KCNH7: variants seen among roughly 807,000 people sequenced by gnomAD.
The protein encoded by KCNH7 is voltage-gated inwardly rectifying potassium channel KCNH7.
A neutral mutation model predicts 120.8 loss-of-function variants in KCNH7; 49 were observed. The observed-to-expected ratio is 0.41, with a 90% CI of 0.32 to 0.51. The LOEUF is 0.51. Ranked by LOEUF, KCNH7 falls within the 20% of genes least tolerant of loss-of-function variation. The probability of loss-of-function intolerance (pLI) is 0.38; values close to 1 mark genes in which losing one functional copy is unlikely to be tolerated. For missense variants in KCNH7, 1,097 were observed against 1,446.6 expected, an observed-to-expected ratio of 0.76 and a Z score of 3.92; for synonymous variants, 547 against 516.1, an observed-to-expected ratio of 1.06 and a Z score of -0.81.
intron 2 of KCNH7, among the ~76,000 whole-genome samples, chr2:162,770,350 A>G (rs1325286382): frequency 6.6e-6 from 1 of 150,518 alleles, no homozygotes; most frequent in Non-Finnish European, 1.5e-5. Flanking sequence ...ATTCATATAT[A>G]TACATATTTT....
chr2:162,658,149 C>T (rs1684834990), intron 2 of KCNH7, among the ~76,000 whole-genome samples: 1 of 151,614 alleles, frequency 6.6e-6, no homozygotes, highest in South Asian at 2.1e-4. Context: ...TTACCAGACA[C>T]CAAATCTACT....
intron 2 of KCNH7, among the ~76,000 whole-genome samples, chr2:162,721,485 G>A (rs1343949600): frequency 1.3e-5 from 2 of 152,046 alleles, no homozygotes; most frequent in Non-Finnish European, 2.9e-5. Flanking sequence ...TCACATTGCA[G>A]TCTATTTTGT....
At chr2:162,823,151 C>T (rs1254050595) in intron 2 of KCNH7, among the ~76,000 whole-genome samples, 2 of 151,628 alleles carry the variant, frequency 1.3e-5, no homozygotes, top group Non-Finnish European at 2.9e-5. Context: ...ACTACTTTTG[C>T]AGTGTTGAGG....
chr2:162,521,871 G>A (rs931066430), intron 3 of KCNH7, among the ~76,000 whole-genome samples: 40 of 151,672 alleles, frequency 2.6e-4, no homozygotes, highest in African/African-American at 9.4e-4. Context: ...CTACATTTTG[G>A]TGCCTATTAC....
intron 2 of KCNH7, among the ~76,000 whole-genome samples, chr2:162,728,823 A>C (rs1687619476): frequency 6.6e-6 from 1 of 152,158 alleles, no homozygotes; most frequent in Non-Finnish European, 1.5e-5. Flanking sequence ...AAGTTATCAA[A>C]TATTATTTTA....
At chr2:162,653,016 T>G (rs906018468) in intron 2 of KCNH7, among the ~76,000 whole-genome samples, 1 of 152,122 alleles carries the variant, frequency 6.6e-6, no homozygotes, top group Non-Finnish European at 1.5e-5. Flanking sequence ...TCTCATCTAA[T>G]CCTCATGGAA....
intron 2 of KCNH7, among the ~76,000 whole-genome samples, chr2:162,717,042 A>G (rs1054199962): frequency 6.6e-6 from 1 of 152,082 alleles, no homozygotes; most frequent in African/African-American, 2.4e-5. Flanking sequence ...AAATGTAAAT[A>G]AATGGCAGCT....
chr2:162,453,491 G>T (rs963220889), intron 6 of KCNH7, among the ~76,000 whole-genome samples: 8 of 152,172 alleles, frequency 5.3e-5, no homozygotes, highest in Non-Finnish European at 4.4e-5. Context: ...TAATGGGATT[G>T]CTGGGTCAAA....
Position 162,717,703 on chromosome 2 carries a change from G to A in KCNH7, c.307+118834C>T, listed in dbSNP as rs182456852. Among the ~76,000 whole-genome samples, 36 of 151,978 alleles carry A rather than the reference G, an allele frequency of 2.4e-4. No individual in the cohort carries two copies. The East Asian group carries it at 2.9e-3, about 12-fold the overall frequency. Reference sequence around the variant, plus strand: ...ACCCTGACTTTATATTAGTCACCACGTATTTATTTTCAGTTTCTTTCACTG... The same window carrying A: ...ACCCTGACTTTATATTAGTCACCACATATTTATTTTCAGTTTCTTTCACTG... On this transcript the variant is annotated intron_variant, in intron 2 of 15. Coordinates refer to ENST00000332142, the MANE Select transcript of KCNH7 (RefSeq NM_033272.4).
intron 3 of KCNH7, among the ~76,000 whole-genome samples, chr2:162,531,114 A>G (rs774997816): frequency 1.3e-5 from 2 of 151,980 alleles, no homozygotes; most frequent in Non-Finnish European, 2.9e-5. Flanking sequence ...GCTAAAGCAT[A>G]GGGAAACAAC....
At chr2:162,755,884 G>A (rs370037098) in intron 2 of KCNH7, among the ~76,000 whole-genome samples, 3 of 152,232 alleles carry the variant, frequency 2.0e-5, no homozygotes, top group African/African-American at 7.2e-5. Context: ...TAGAAGTGGT[G>A]TATACTCAAC....
At chr2:162,513,372 T>TCCTC (rs1178149534) in intron 4 of KCNH7, among the ~76,000 whole-genome samples, 1 of 141,306 alleles carries the variant, frequency 7.1e-6, no homozygotes, top group Non-Finnish European at 1.6e-5. Flanking sequence ...CTTCCTTCCT[T>TCCTC]CCTTCCTTCC....
chr2:162,807,344 C>T (rs1045221412), intron 2 of KCNH7, among the ~76,000 whole-genome samples: 2 of 148,420 alleles, frequency 1.3e-5, no homozygotes, highest in African/African-American at 2.5e-5. Flanking sequence ...GGCTGAGGTA[C>T]GAGAATCACT....
intron 2 of KCNH7, among the ~76,000 whole-genome samples, chr2:162,551,620 G>A (rs775122366): frequency 3.3e-5 from 5 of 151,970 alleles, no homozygotes; most frequent in Non-Finnish European, 7.4e-5. Flanking sequence ...AGGAAATTCA[G>A]CTAAAAATTA....
chr2:162,647,971 TAG>T (rs1684426812), intron 2 of KCNH7, among the ~76,000 whole-genome samples: 1 of 152,176 alleles, frequency 6.6e-6, no homozygotes, highest in Non-Finnish European at 1.5e-5. Context: ...TCATAGGAGT[TAG>T]AATATAGGAT....
chr2:162,402,085 C>T (rs1687077830), intron 9 of KCNH7, among the ~76,000 whole-genome samples: 1 of 151,466 alleles, frequency 6.6e-6, no homozygotes, highest in Non-Finnish European at 1.5e-5. Flanking sequence ...GTAATCTCTC[C>T]CCTTAACTGT....
chr2:162,419,764 C>A (rs1035207874), intron 9 of KCNH7, among the ~76,000 whole-genome samples: 1 of 152,060 alleles, frequency 6.6e-6, no homozygotes. Context: ...CATTGGAGTC[C>A]TTCTTCATTC....
chr2:162,788,075 T>A (rs1683779077), intron 2 of KCNH7, among the ~76,000 whole-genome samples: 1 of 151,732 alleles, frequency 6.6e-6, no homozygotes, highest in South Asian at 2.1e-4. Flanking sequence ...AAAGGATTGC[T>A]TATAATCATG....
At chr2:162,762,109 TC>T (rs1688988020) in intron 2 of KCNH7, among the ~76,000 whole-genome samples, 1 of 152,010 alleles carries the variant, frequency 6.6e-6, no homozygotes, top group Non-Finnish European at 1.5e-5. Flanking sequence ...CCCTCTCTTT[TC>T]TTTAGATCTT....
Sources: gnomAD v4.1 joint callset for allele counts (sites outside exome capture counted in the v4.1 genomes callset) on GRCh38, gnomAD v4.1.1 for gene constraint, MANE v1.5 for transcripts, NCBI Gene and HGNC (gene_info 2026-07-23, HGNC 2026-07-21) for gene names.